WDR76: variants seen among roughly 807,000 people sequenced by gnomAD.
WDR76 encodes the protein WD repeat-containing protein 76.
A neutral mutation model predicts 70.2 loss-of-function variants in WDR76; 52 were observed. The ratio of observed to expected loss-of-function variants is 0.74; its 90% CI spans 0.59 to 0.93. The LOEUF is 0.93. Among genes scored for constraint, WDR76 ranks in the 40% least tolerant of loss-of-function variants. The pLI is 0.00. For synonymous variants in WDR76, 292 were observed against 271.1 expected, an observed-to-expected ratio of 1.08 and a Z score of -0.76; for missense variants, 756 against 760.2, an observed-to-expected ratio of 0.99 and a Z score of 0.07.
chr15:43,830,888 T>C (rs1171385367), intron 2 of WDR76, among the ~76,000 whole-genome samples: 3 of 151,850 alleles, frequency 2.0e-5, no homozygotes, highest in African/African-American at 7.3e-5. Context: ...CTCTCCTAAA[T>C]ATAACAAATA....
Position 43,849,035 on chromosome 15 carries a change from CATG to C in WDR76, c.1033-2051_1033-2049del, listed in dbSNP as rs1211952008. 2.7e-5 allele frequency among the ~76,000 whole-genome samples: 4 copies of C among 148,082 alleles called. No individual in the cohort carries two copies. The East Asian group carries it at 7.9e-4, about 29-fold the overall frequency. On this transcript the variant is annotated intron_variant, in intron 8 of 12. Coordinates refer to ENST00000263795, the MANE Select transcript of WDR76 (RefSeq NM_024908.4). Reference sequence around the variant, plus strand: ...ACTAAAAATACAAAAATTAGCCAAGCATGGTGGTGGGTGCCTGTAATCCCAGCG... The same window carrying C: ...ACTAAAAATACAAAAATTAGCCAAGCGTGGTGGGTGCCTGTAATCCCAGCG...
At chr15:43,855,243 A>C (rs1349739143) in intron 9 of WDR76, among the ~76,000 whole-genome samples, 1 of 152,208 alleles carries the variant, frequency 6.6e-6, no homozygotes, top group Non-Finnish European at 1.5e-5. Context: ...CACTATCTTG[A>C]GTGTGCTTTA....
intron 8 of WDR76, among the ~76,000 whole-genome samples, chr15:43,849,425 G>T (rs2087829162): frequency 6.6e-6 from 1 of 152,040 alleles, no homozygotes; most frequent in Non-Finnish European, 1.5e-5. Context: ...TGATAGCGAA[G>T]AAATTTTAAA....
At chr15:43,836,287 GT>G in intron 4 of WDR76, 71 bp downstream of exon 4, 7 of 1,463,886 alleles carry the variant, frequency 4.8e-6, no homozygotes, top group Non-Finnish European at 5.6e-6. Flanking sequence ...GAAAAAAATG[GT>G]TTGGTGTGGT....
chr15:43,843,481 G>A (rs757544038), intron 7 of WDR76, among the ~76,000 whole-genome samples: 7 of 152,170 alleles, frequency 4.6e-5, no homozygotes, highest in Non-Finnish European at 1.0e-4. Flanking sequence ...TTGTGTATGT[G>A]TTTGTTGAAG....
chr15:43,838,934 TTCAA>T (rs2087689898), intron 4 of WDR76, among the ~76,000 whole-genome samples: 1 of 152,186 alleles, frequency 6.6e-6, no homozygotes, highest in Admixed American at 6.6e-5. Context: ...ATAGTATACT[TTCAA>T]TCAGTAGGTT....
chr15:43,839,808 C>A, intron 5 of WDR76, 80 bp downstream of exon 5: 1 of 1,393,568 alleles, frequency 7.2e-7, no homozygotes, highest in South Asian at 1.5e-5. Flanking sequence ...ACTAAAAGTT[C>A]ATTAAATTAT....
Position 43,828,075 on chromosome 15 carries a change from T to A in WDR76, c.171T>A (p.Ser57Arg). Reference protein sequence around the residue: ...AKVYLAPFSLSNYQLDQLMCP... With the variant: ...AKVYLAPFSLRNYQLDQLMCP... ...TCTATCTTGCCCCCTTTTCACTCAGTAATTACCAGCTAGACCAGCTTATGT... is the reference window on the plus strand; with the variant it reads ...TCTATCTTGCCCCCTTTTCACTCAGAAATTACCAGCTAGACCAGCTTATGT... Residue 57 changes from serine (S) to arginine (R), a missense_variant, in exon 2 of 13, where the codon AGT becomes AGA. Coordinates refer to ENST00000263795, the MANE Select transcript of WDR76 (RefSeq NM_024908.4). The A allele has an allele frequency of 6.2e-7, 1 of 1,614,190 alleles. No homozygotes were observed. The highest frequency in any genetic ancestry group is 8.5e-7 in the Non-Finnish European group (1 of 1,180,036).
intron 12 of WDR76, among the ~76,000 whole-genome samples, chr15:43,863,286 A>G (rs1402804387): frequency 1.3e-5 from 2 of 152,132 alleles, no homozygotes; most frequent in African/African-American, 4.8e-5. Context: ...CATGTACAAC[A>G]TGTTTTGAAA....
At chr15:43,845,844 C>A (rs1411556997) in intron 8 of WDR76, among the ~76,000 whole-genome samples, 1 of 150,138 alleles carries the variant, frequency 6.7e-6, no homozygotes, top group Non-Finnish European at 1.5e-5. Flanking sequence ...ATGAAAAATG[C>A]CATAAGGACA....
chr15:43,839,522 T>A, intron 4 of WDR76, 83 bp from the exon 5 acceptor site: 1 of 1,385,694 alleles, frequency 7.2e-7, no homozygotes, highest in African/African-American at 1.5e-5. Flanking sequence ...GTGGTATATA[T>A]TCCTAGAAGT....
chr15:43,862,788 G>A lies in WDR76; in HGVS notation c.1616+1402G>A, dbSNP rs187981901. Among the ~76,000 whole-genome samples, 89 of 152,202 alleles carry A rather than the reference G, an allele frequency of 5.8e-4. 2 individuals are homozygous for A. The highest frequency in any genetic ancestry group is 6.5e-4 in the Admixed American group (10 of 15,282). ...CTCCCAAAGTGCTGGGATTACAGGCGTGAGCCACCACACCCAGCCTAATTT... is the reference window on the plus strand; with the variant it reads ...CTCCCAAAGTGCTGGGATTACAGGCATGAGCCACCACACCCAGCCTAATTT... On this transcript the variant is annotated intron_variant, in intron 12 of 12. Coordinates refer to ENST00000263795, the MANE Select transcript of WDR76 (RefSeq NM_024908.4).
At chr15:43,832,383 C>T in intron 2 of WDR76, among the ~76,000 whole-genome samples, 1 of 150,134 alleles carries the variant, frequency 6.7e-6, no homozygotes, top group East Asian at 1.9e-4. Context: ...GACGCTATCA[C>T]TTTAAAAAAA....
At chr15:43,844,735 G>GTCTCTACTAAAAAACCC (rs2087766095) in intron 8 of WDR76, among the ~76,000 whole-genome samples, 1 of 149,764 alleles carries the variant, frequency 6.7e-6, no homozygotes, top group African/African-American at 2.5e-5. Flanking sequence ...CAGTGAAACC[G>GTCTCTACTAAAAAACCC]CGTCTCTACT....
At chr15:43,838,873 C>CT (rs925367117) in intron 4 of WDR76, among the ~76,000 whole-genome samples, 1 of 151,956 alleles carries the variant, frequency 6.6e-6, no homozygotes, top group African/African-American at 2.4e-5. Context: ...ACTCAGGTGT[C>CT]TTTTTTGAGG....
chr15:43,842,729 A>G, intron 7 of WDR76, 58 bp downstream of exon 7: 1 of 1,476,142 alleles, frequency 6.8e-7, no homozygotes, highest in Non-Finnish European at 9.3e-7. Context: ...AGTTATAAAG[A>G]CTATACGCCA....
chr15:43,849,718 A>G (rs1268430217), intron 8 of WDR76, among the ~76,000 whole-genome samples: 2 of 152,084 alleles, frequency 1.3e-5, no homozygotes, highest in Non-Finnish European at 2.9e-5. Flanking sequence ...TTGTATTTTT[A>G]GTAGAGACGG....
At chr15:43,842,771 T>A in intron 7 of WDR76, 100 bp downstream of exon 7, 1 of 1,102,748 alleles carries the variant, frequency 9.1e-7, no homozygotes, top group South Asian at 1.5e-5. Flanking sequence ...AGATGAAATG[T>A]TTCCACCCTA....
chr15:43,835,199 G>C (rs768511576), intron 3 of WDR76, 49 bp downstream of exon 3: 1 of 1,546,768 alleles, frequency 6.5e-7, no homozygotes, highest in Non-Finnish European at 8.9e-7. Flanking sequence ...GGGAACAGTG[G>C]GTAGCGCCTG....
Sources: allele counts gnomAD v4.1 joint callset (sites outside exome capture counted in the v4.1 genomes callset), GRCh38; gene constraint gnomAD v4.1.1; transcripts MANE v1.5; gene names NCBI Gene and HGNC (gene_info 2026-07-23, HGNC 2026-07-21).